THRB: variants seen among roughly 807,000 people sequenced by gnomAD.
The protein encoded by THRB is thyroid hormone receptor beta, also known as nuclear receptor subfamily 1 group A member 2.
Under a neutral mutation model 47.8 loss-of-function variants are expected in THRB, and 12 were observed. The observed-to-expected ratio is 0.25, with a 90% CI of 0.16 to 0.41. THRB has a LOEUF of 0.41. Among genes scored for constraint, THRB ranks in the 10% least tolerant of loss-of-function variants. The pLI is 1.00. For missense variants in THRB, 348 were observed against 589.2 expected (o/e 0.59, Z 4.24); for synonymous variants, 218 against 212.2 (o/e 1.03, Z -0.24).
intron 1 of THRB, among the ~76,000 whole-genome samples, chr3:24,346,272 T>G (rs756603913): frequency 1.3e-5 from 2 of 152,058 alleles, no homozygotes; most frequent in Non-Finnish European, 1.5e-5. Flanking sequence ...ACTTATATTA[T>G]ATACTAATAA....
chr3:24,438,998 G>A (rs1190432618), intron 1 of THRB, among the ~76,000 whole-genome samples: 1 of 152,168 alleles, frequency 6.6e-6, no homozygotes, highest in Non-Finnish European at 1.5e-5. Context: ...AAAAGACAAA[G>A]ATGTGGTTTT....
chr3:24,220,789 A>G (rs1327870660), intron 4 of THRB, among the ~76,000 whole-genome samples: 2 of 132,068 alleles, frequency 1.5e-5, no homozygotes, highest in Non-Finnish European at 3.1e-5. Context: ...ACTTCAGTCA[A>G]GGTTAAACAA....
At chr3:24,401,258 C>T (rs1283570246) in intron 1 of THRB, among the ~76,000 whole-genome samples, 4 of 151,996 alleles carry the variant, frequency 2.6e-5, no homozygotes, top group Non-Finnish European at 5.9e-5. Context: ...AATGGCTGGG[C>T]TAAAGCTATT....
intron 5 of THRB, among the ~76,000 whole-genome samples, chr3:24,158,986 G>T (rs2038345105): frequency 6.6e-6 from 1 of 152,172 alleles, no homozygotes; most frequent in Admixed American, 6.5e-5. Context: ...AAGATTAGGG[G>T]AGGGAGCAGA....
chr3:24,127,920 C>G (rs939426589), intron 9 of THRB, among the ~76,000 whole-genome samples, 163 bp from the exon 10 acceptor site: 1 of 152,194 alleles, frequency 6.6e-6, no homozygotes, highest in Non-Finnish European at 1.5e-5. Context: ...TGCAGACTTT[C>G]GACAACCATT....
At chr3:24,326,753 T>A (rs1324637165) in intron 2 of THRB, among the ~76,000 whole-genome samples, 1 of 143,224 alleles carries the variant, frequency 7.0e-6, no homozygotes, top group African/African-American at 2.7e-5. Flanking sequence ...TGTCCAGTCT[T>A]GTCTTTTTTT....
chr3:24,123,007 G>A lies in THRB; in HGVS notation c.1263C>T (p.Leu421=). ...TCCGCAGATCTGTCACCTTCATCAG[G>A]AGTTTTGGCCAAAAGTGTGTCACGT... ...KHHVTHFWPK[L]LMKVTDLRMI... Residue 421 remains leucine (L), a synonymous_variant, in exon 11 of 11, where the codon CTC becomes CTT. Transcript: ENST00000646209. The A allele has an allele frequency of 6.2e-7, 1 of 1,614,146 alleles. No individual in the cohort carries two copies. The highest frequency in any genetic ancestry group is 8.5e-7 in the Non-Finnish European group (1 of 1,180,026).
chr3:24,280,684 T>G (rs2054476665), intron 3 of THRB, among the ~76,000 whole-genome samples: 1 of 151,902 alleles, frequency 6.6e-6, no homozygotes, highest in Non-Finnish European at 1.5e-5. Flanking sequence ...AGTTGAAAAC[T>G]TTGAAAAAAA....
chr3:24,392,355 T>C (rs2066640587), intron 1 of THRB, among the ~76,000 whole-genome samples: 1 of 152,144 alleles, frequency 6.6e-6, no homozygotes, highest in Admixed American at 6.5e-5. Context: ...ATCCATCACC[T>C]CAAAGGTTTA....
chr3:24,248,419 G>C (rs1034646483), intron 3 of THRB, among the ~76,000 whole-genome samples: 1 of 151,704 alleles, frequency 6.6e-6, no homozygotes, highest in African/African-American at 2.4e-5. Context: ...GTTTGGAATA[G>C]TACAATGAAT....
intron 2 of THRB, among the ~76,000 whole-genome samples, chr3:24,321,753 A>C (rs993641960): frequency 5.9e-5 from 9 of 152,162 alleles, no homozygotes; most frequent in African/African-American, 2.2e-4. Flanking sequence ...CACTGTAGCC[A>C]CTAGTCACTA....
At chr3:24,453,977 A>G (rs6792047) in intron 1 of THRB, among the ~76,000 whole-genome samples, 6,520 of 152,252 alleles carry the variant, frequency 0.043, 166 homozygotes, top group South Asian at 0.078. Context: ...CCTCTGTATT[A>G]TTTTATCTTA....
chr3:24,485,953 G>C (rs1348000187), intron 1 of THRB, among the ~76,000 whole-genome samples: 2 of 152,132 alleles, frequency 1.3e-5, no homozygotes, highest in African/African-American at 4.8e-5. Flanking sequence ...TGATAGATGA[G>C]GAAACTGAAC....
At chr3:24,342,745 A>G (rs1334229176) in intron 1 of THRB, among the ~76,000 whole-genome samples, 1 of 152,140 alleles carries the variant, frequency 6.6e-6, no homozygotes, top group Non-Finnish European at 1.5e-5. Flanking sequence ...TGCTTTTGTG[A>G]CATCCTTAAA....
chr3:24,473,951 T>G (rs1377027625), intron 1 of THRB, among the ~76,000 whole-genome samples: 1 of 152,008 alleles, frequency 6.6e-6, no homozygotes, highest in Admixed American at 6.6e-5. Flanking sequence ...TGTGGCCTGT[T>G]GGGTGTTGGG....
At chr3:24,186,809 G>C (rs1182249230) in intron 5 of THRB, among the ~76,000 whole-genome samples, 2 of 152,008 alleles carry the variant, frequency 1.3e-5, no homozygotes, top group African/African-American at 4.8e-5. Context: ...AGCTGGGCAT[G>C]TGGTGCATGC....
At chr3:24,250,060 T>G (rs2050508904) in intron 3 of THRB, among the ~76,000 whole-genome samples, 1 of 152,176 alleles carries the variant, frequency 6.6e-6, no homozygotes, top group African/African-American at 2.4e-5. Context: ...GGCACAGAAA[T>G]AAGACATGAC....
intron 3 of THRB, among the ~76,000 whole-genome samples, chr3:24,263,880 AC>A (rs1283634522): frequency 1.3e-5 from 2 of 152,216 alleles, no homozygotes; most frequent in Non-Finnish European, 2.9e-5. Flanking sequence ...TAATAAGTAC[AC>A]AAGTCCTATG....
intron 1 of THRB, among the ~76,000 whole-genome samples, chr3:24,402,171 G>C (rs2067458249): frequency 1.3e-5 from 2 of 152,084 alleles, no homozygotes; most frequent in African/African-American, 2.4e-5. Context: ...GACACAAGGA[G>C]AGGCACCAGT....
Sources: allele counts gnomAD v4.1 joint callset (sites outside exome capture counted in the v4.1 genomes callset), GRCh38; gene constraint gnomAD v4.1.1; transcripts MANE v1.5; gene names NCBI Gene and HGNC (gene_info 2026-07-23, HGNC 2026-07-21).